ADAMTS19: variants seen among roughly 807,000 people sequenced by gnomAD.
The protein encoded by ADAMTS19 is ADAM metallopeptidase with thrombospondin type 1 motif 19, also known as A disintegrin and metalloproteinase with thrombospondin motifs 19.
In ADAMTS19, 93 loss-of-function variants were observed where a neutral mutation model predicts 153.3. The observed-to-expected ratio is 0.61, with a 90% CI of 0.51 to 0.72. The LOEUF (loss-of-function observed/expected upper bound fraction) is 0.72, where lower values mean the gene tolerates loss of function less well. Among genes scored for constraint, ADAMTS19 ranks in the 30% least tolerant of loss-of-function variants. The probability of loss-of-function intolerance (pLI) is 0.00; values close to 1 mark genes in which losing one functional copy is unlikely to be tolerated. For missense variants in ADAMTS19, 1,482 were observed against 1,552.1 expected, an observed-to-expected ratio of 0.95 and a Z score of 0.76; for synonymous variants, 600 against 556.6, an observed-to-expected ratio of 1.08 and a Z score of -1.10.
intron 10 of ADAMTS19, among the ~76,000 whole-genome samples, chr5:129,625,319 C>A (rs1751979002): frequency 6.6e-6 from 1 of 152,098 alleles, no homozygotes; most frequent in Non-Finnish European, 1.5e-5. Context: ...GTCTTTATAG[C>A]AGCATGGTTT....
intron 9 of ADAMTS19, 60 bp downstream of exon 9, chr5:129,620,818 CAAAT>C: frequency 6.5e-7 from 1 of 1,541,986 alleles, no homozygotes; most frequent in East Asian, 2.3e-5. Flanking sequence ...TTTCTTTTTA[CAAAT>C]AGAGAAGCCA....
intron 6 of ADAMTS19, among the ~76,000 whole-genome samples, chr5:129,543,028 T>TTTG (rs1179420681): frequency 2.0e-5 from 3 of 150,590 alleles, no homozygotes; most frequent in African/African-American, 7.3e-5. Context: ...GTTGTTTTTT[T>TTTG]TTGTTGTTGT....
chr5:129,703,800 T>A (rs1307382220), intron 20 of ADAMTS19, among the ~76,000 whole-genome samples: 1 of 152,216 alleles, frequency 6.6e-6, no homozygotes, highest in Non-Finnish European at 1.5e-5. Context: ...ACATGTTTTT[T>A]GAGAAGTGAC....
chr5:129,524,494 G>A (rs1386373212), intron 3 of ADAMTS19, among the ~76,000 whole-genome samples: 1 of 151,704 alleles, frequency 6.6e-6, no homozygotes, highest in East Asian at 1.9e-4. Context: ...CATAGCAAAA[G>A]AAACTATCAT....
chr5:129,625,469 C>A (rs536465198), intron 10 of ADAMTS19, among the ~76,000 whole-genome samples: 14 of 152,162 alleles, frequency 9.2e-5, no homozygotes, highest in Admixed American at 6.5e-4. Flanking sequence ...TAAAAGCATT[C>A]CTGTTTCTCC....
At chr5:129,570,537 T>C (rs937810882) in intron 7 of ADAMTS19, among the ~76,000 whole-genome samples, 1 of 151,570 alleles carries the variant, frequency 6.6e-6, no homozygotes. Context: ...GAAGAAATAA[T>C]ACAAATTTTA....
intron 2 of ADAMTS19, among the ~76,000 whole-genome samples, chr5:129,504,064 G>T (rs1488352973): frequency 6.6e-6 from 1 of 151,994 alleles, no homozygotes; most frequent in Admixed American, 6.6e-5. Context: ...GGCTTTCCTT[G>T]TCCTATCAAG....
intron 3 of ADAMTS19, 66 bp from the exon 4 acceptor site, chr5:129,526,218 A>G (rs1055479045): frequency 2.2e-6 from 3 of 1,342,622 alleles, no homozygotes; most frequent in Middle Eastern, 2.1e-4. Flanking sequence ...TCATTATTAA[A>G]TATGTTTAAT....
At chr5:129,604,700 C>G (rs921009062) in intron 8 of ADAMTS19, among the ~76,000 whole-genome samples, 31 of 152,256 alleles carry the variant, frequency 2.0e-4, no homozygotes, top group African/African-American at 7.2e-4. Flanking sequence ...TGATTCAAAA[C>G]AGATGCTGTA....
chr5:129,509,612 T>A (rs1370954044), intron 3 of ADAMTS19, among the ~76,000 whole-genome samples: 1 of 152,010 alleles, frequency 6.6e-6, no homozygotes, highest in Non-Finnish European at 1.5e-5. Context: ...TCCACCTCTG[T>A]GAAAGCATCA....
At chr5:129,719,098 A>G (rs145403057) in intron 21 of ADAMTS19, among the ~76,000 whole-genome samples, 10 of 152,290 alleles carry the variant, frequency 6.6e-5, no homozygotes, top group South Asian at 2.1e-4. Flanking sequence ...TCCTTTAAGA[A>G]TTAAAAAACA....
chr5:129,473,793 T>C (rs1338720707), intron 2 of ADAMTS19, among the ~76,000 whole-genome samples: 1 of 152,114 alleles, frequency 6.6e-6, no homozygotes, highest in Non-Finnish European at 1.5e-5. Context: ...ACCCTAATTA[T>C]CTCTCATTAG....
rs372330677 is a variant in ADAMTS19 at position 129,683,606 on chromosome 5, G to A, written c.2665-514G>A. Among the ~76,000 whole-genome samples the A allele has an allele frequency of 6.4e-4, 97 of 152,042 alleles. 1 individual carries two copies. In the South Asian group the frequency reaches 0.019, roughly 30 times the overall value. Reference sequence around the variant, plus strand: ...TTGCTTAGAAATTCTCTGCCCTTATGAAGTTCAGTGATCCCCAAAGTCATC... The same window carrying A: ...TTGCTTAGAAATTCTCTGCCCTTATAAAGTTCAGTGATCCCCAAAGTCATC... On this transcript the variant is annotated intron_variant, in intron 17 of 22. Transcript: ENST00000274487.
At chr5:129,620,899 A>G (rs1406190894) in intron 9 of ADAMTS19, 141 bp downstream of exon 9, 1 of 791,432 alleles carries the variant, frequency 1.3e-6, no homozygotes, top group Non-Finnish European at 1.9e-6. Context: ...TGGCTTTTCC[A>G]TTAACTCATG....
intron 11 of ADAMTS19, among the ~76,000 whole-genome samples, chr5:129,643,583 T>C (rs1334413690): frequency 1.3e-5 from 2 of 151,928 alleles, no homozygotes; most frequent in Non-Finnish European, 2.9e-5. Context: ...ATTTCTTTAA[T>C]TAGAAAAGAA....
chr5:129,535,134 G>A (rs989429332), intron 6 of ADAMTS19, among the ~76,000 whole-genome samples: 8 of 152,258 alleles, frequency 5.3e-5, no homozygotes, highest in South Asian at 2.1e-4. Context: ...GTCCCTGTTT[G>A]CAGATGACAT....
intron 18 of ADAMTS19, among the ~76,000 whole-genome samples, chr5:129,685,003 G>GAA (rs199882456): frequency 1.8e-4 from 26 of 142,452 alleles, no homozygotes; most frequent in African/African-American, 5.3e-4. Context: ...AAAAAGAAAA[G>GAA]AAAAAAAAAA....
chr5:129,620,892 CT>C (rs1278535795), intron 9 of ADAMTS19, 134 bp downstream of exon 9: 1 of 852,856 alleles, frequency 1.2e-6, no homozygotes, highest in African/African-American at 1.7e-5. Flanking sequence ...CCAATCCTGG[CT>C]TTTCCATTAA....
intron 20 of ADAMTS19, among the ~76,000 whole-genome samples, chr5:129,703,511 C>T (rs1341553257): frequency 1.3e-5 from 2 of 152,060 alleles, no homozygotes; most frequent in African/African-American, 4.8e-5. Flanking sequence ...GGTGGGTGGA[C>T]CACTTGAGGC....
Sources: gnomAD v4.1 joint callset for allele counts (sites outside exome capture counted in the v4.1 genomes callset) on GRCh38, gnomAD v4.1.1 for gene constraint, MANE v1.5 for transcripts, NCBI Gene and HGNC (gene_info 2026-07-23, HGNC 2026-07-21) for gene names.